Variants in FZR1 observed in about 807,000 individuals in gnomAD.
FZR1 encodes fizzy and cell division cycle 20 related 1, also known as fizzy-related protein homolog.
A neutral mutation model predicts 63.6 loss-of-function variants in FZR1; 11 were observed. The observed-to-expected ratio is 0.17, with a 90% CI of 0.11 to 0.29. The LOEUF is 0.29. Among genes scored for constraint, FZR1 ranks in the 10% least tolerant of loss-of-function variants. The pLI is 1.00. For synonymous variants in FZR1, 328 were observed against 297.9 expected (o/e 1.10, Z -1.04); for missense variants, 440 against 687.5 (o/e 0.64, Z 4.03).
chr19:3,523,459 C>T (rs919288599), intron 2 of FZR1, among the ~76,000 whole-genome samples: 2 of 152,232 alleles, frequency 1.3e-5, no homozygotes, highest in African/African-American at 4.8e-5. Context: ...CCAGCCCAGC[C>T]GTGTTTGCCT....
Position 3,533,257 on chromosome 19 carries a change from G to A in FZR1, c.1243-37G>A. On this transcript the variant is annotated intron_variant, in intron 11 of 13. Coordinates refer to ENST00000441788, the MANE Select transcript of FZR1 (RefSeq NM_016263.4). The surrounding 1 kb of genome is among the most constrained non-coding windows in gnomAD (Gnocchi z 4.9). Reference sequence around the variant, plus strand: ...AGCAGGCATAGCACCCGGCCTCGTTGCCCCTCACCGACCGCAGCGCCCCCT... The same window carrying A: ...AGCAGGCATAGCACCCGGCCTCGTTACCCCTCACCGACCGCAGCGCCCCCT... The A allele has an allele frequency of 7.7e-7, 1 of 1,292,090 alleles. No individual in the cohort carries two copies. The highest frequency in any genetic ancestry group is 1.1e-6 in the Non-Finnish European group (1 of 889,570). 80.0% of individuals were successfully genotyped at this position (1,292,090 alleles called of 1,614,324 possible).
chr19:3,512,510 C>T (rs2083031069), intron 1 of FZR1, among the ~76,000 whole-genome samples: 1 of 152,252 alleles, frequency 6.6e-6, no homozygotes, highest in African/African-American at 2.4e-5. Flanking sequence ...CGAAAGCCCA[C>T]ACTCTTTCTG....
intron 1 of FZR1, among the ~76,000 whole-genome samples, chr19:3,511,208 G>A (rs980142843): frequency 4.6e-5 from 7 of 152,208 alleles, no homozygotes; most frequent in African/African-American, 1.2e-4. Context: ...CAGGGCTGTG[G>A]GTACTCGGTG....
At chr19:3,534,676 A>G in intron 13 of FZR1, 119 bp from the exon 14 acceptor site, 2 of 991,178 alleles carry the variant, frequency 2.0e-6, no homozygotes, top group South Asian at 1.3e-5. Context: ...TGGCAGGCCG[A>G]GGCTGAACTG....
chr19:3,512,075 TGAGACTGATG>T (rs2083028536), intron 1 of FZR1, among the ~76,000 whole-genome samples: 1 of 152,102 alleles, frequency 6.6e-6, no homozygotes, highest in African/African-American at 2.4e-5. Context: ...CCCTCCTCTC[TGAGACTGATG>T]GGGGCAGCAT....
Position 3,527,829 on chromosome 19 carries a change from G to A in FZR1, c.654+15G>A, listed in dbSNP as rs1476492010. On this transcript the variant is annotated intron_variant, in intron 7 of 13. Transcript: ENST00000441788. ...GTACCAGCCAGGTGGGTGCTGCGTGGGGTGTGCATGTGCATGGGGGCCTCC... is the reference window on the plus strand; with the variant it reads ...GTACCAGCCAGGTGGGTGCTGCGTGAGGTGTGCATGTGCATGGGGGCCTCC... 4 of 1,597,014 alleles carry A rather than the reference G, an allele frequency of 2.5e-6. No homozygotes were observed. The African/African-American group carries it at 5.4e-5, about 21-fold the overall frequency.
rs1046019038 is a variant in FZR1, at chr19:3,514,043, C to G, written c.-35+7569C>G. ...GGAGCTTGGCTGAGCCTCCAGGAAC[C>G]AGAGTGCTGTGTTCCTGAGGAAGAT... is the stretch of plus-strand genomic sequence containing the variant. On this transcript the variant is annotated intron_variant, in intron 1 of 13. Coordinates refer to ENST00000441788, the MANE Select transcript of FZR1 (RefSeq NM_016263.4). The surrounding 1 kb of genome is among the most constrained non-coding windows in gnomAD (Gnocchi z 4.2). 1.3e-4 allele frequency among the ~76,000 whole-genome samples: 20 copies of G among 152,184 alleles called. No homozygotes were observed. The highest frequency in any genetic ancestry group is 1.5e-5 in the Non-Finnish European group (1 of 68,020).
At chr19:3,522,786 TG>T (rs1167450537) in intron 1 of FZR1, among the ~76,000 whole-genome samples, 169 bp from the exon 2 acceptor site, 5 of 151,924 alleles carry the variant, frequency 3.3e-5, no homozygotes, top group African/African-American at 2.4e-5. Context: ...AGGCCCAGGT[TG>T]GGGGAGCCTC....
chr19:3,519,345 C>T (rs915507155), intron 1 of FZR1, among the ~76,000 whole-genome samples: 5 of 152,222 alleles, frequency 3.3e-5, no homozygotes, highest in Non-Finnish European at 7.4e-5. Context: ...CGTGGTGAGT[C>T]GCCTGCTGGC....
In FZR1 at chr19:3,529,927, GATGGGAGAGCGC is replaced by G. The variant is rs1440097064; in HGVS notation, c.655-859_655-848del. Among the ~76,000 whole-genome samples, 2 of 114,236 alleles carry G rather than the reference GATGGGAGAGCGC, an allele frequency of 1.8e-5. 1 individual carries two copies. The highest frequency in any genetic ancestry group is 7.0e-4 in the South Asian group (2 of 2,846). 74.9% of individuals were successfully genotyped at this position (114,236 alleles called of 152,430 possible). ...GGTTGAGGGAGCGGATGGGTGAGCG[GATGGGAGAGCGC>G]ATGGGTGAGCAGATGCAAGAGTGGA... On this transcript the variant is annotated intron_variant, in intron 7 of 13. Transcript: ENST00000441788.
Position 3,533,352 on chromosome 19 carries a change from C to A in FZR1, c.1301C>A (p.Thr434Asn). The change falls in exon 12 of 14, where the codon ACC becomes AAC. Residue 434 changes from threonine (T) to asparagine (N), a missense_variant. This residue lies in a region of FZR1 where 208 missense variants were observed against 363.6 expected (regional missense o/e 0.57). Coordinates refer to ENST00000441788, the MANE Select transcript of FZR1 (RefSeq NM_016263.4). The surrounding 1 kb of genome is among the most constrained non-coding windows in gnomAD (Gnocchi z 4.9). ...QILVWKYPSL[T>N]QVAKLTGHSY... ...CTTGTCTGGAAGTACCCCTCCCTGACCCAGGTGGCCAAGCTGACCGGGCAC... is the reference window on the plus strand; with the variant it reads ...CTTGTCTGGAAGTACCCCTCCCTGAACCAGGTGGCCAAGCTGACCGGGCAC... 1 of 1,613,036 alleles carries A rather than the reference C, an allele frequency of 6.2e-7. No individual in the cohort carries two copies. The highest frequency in any genetic ancestry group is 8.5e-7 in the Non-Finnish European group (1 of 1,179,732).
chr19:3,519,947 C>CG (rs1047523917), intron 1 of FZR1, among the ~76,000 whole-genome samples: 1 of 151,462 alleles, frequency 6.6e-6, no homozygotes, highest in African/African-American at 2.4e-5. Flanking sequence ...AGATCAGTCC[C>CG]GGGGGGCCCC....
intron 1 of FZR1, 24 bp from the exon 2 acceptor site, chr19:3,522,932 C>T (rs2083116323): frequency 8.0e-7 from 1 of 1,248,198 alleles, no homozygotes; most frequent in Non-Finnish European, 1.2e-6. Context: ...GCCCCACTCA[C>T]CTCTCCTGCC....
At chr19:3,517,695 A>G (rs1378832489) in intron 1 of FZR1, among the ~76,000 whole-genome samples, 1 of 152,018 alleles carries the variant, frequency 6.6e-6, no homozygotes, top group Non-Finnish European at 1.5e-5. Flanking sequence ...TCTCAGAAAA[A>G]TAAATGAATA....
In FZR1 at chr19:3,515,275, G is replaced by A. The variant is rs1217870838; in HGVS notation, c.-34-7681G>A. ...TGAGCCTTTCCACACGGCCACACAC[G>A]TTGTCTGTGCTCAGGAATTACTTAA... On this transcript the variant is annotated intron_variant, in intron 1 of 13. Coordinates refer to ENST00000441788, the MANE Select transcript of FZR1 (RefSeq NM_016263.4). This position sits in a 1 kb window ranked among gnomAD's most constrained non-coding sequence, Gnocchi z 4.6. Among the ~76,000 whole-genome samples, 1 of 152,204 alleles carries A rather than the reference G, an allele frequency of 6.6e-6. No homozygotes were observed. Among genetic ancestry groups the A allele is most frequent in the African/African-American group, 2.4e-5 (1 of 41,438 alleles).
intron 2 of FZR1, among the ~76,000 whole-genome samples, chr19:3,523,955 C>T (rs1229227955): frequency 6.6e-6 from 1 of 152,208 alleles, no homozygotes. Context: ...GCGGTGCGGC[C>T]CCCACAGGGC....
In FZR1 at chr19:3,537,227, G is replaced by A. The variant is rs2030010358; in HGVS notation, c.*2391G>A. The A allele has an allele frequency of 6.6e-6, 1 of 152,350 alleles. No homozygotes were observed. The highest frequency in any genetic ancestry group is 1.5e-5 in the Non-Finnish European group (1 of 68,124). 9.4% of individuals were successfully genotyped at this position (152,350 alleles called of 1,614,324 possible). A position where few individuals can be genotyped will look rare whatever the true frequency, so the allele number is the denominator to read the frequency against. On this transcript the variant is annotated 3_prime_UTR_variant, in exon 14 of 14. Transcript: ENST00000441788. The stretch of plus-strand genomic sequence containing the variant: ...CCAGGACAGCTGAGAGGAGGTGGAG[G>A]GGCCCCAGGGGAGTGTACGTCAGGC...
In FZR1 at chr19:3,533,221, G is replaced by C. The variant is rs1401186863; in HGVS notation, c.1243-73G>C. On this transcript the variant is annotated intron_variant, in intron 11 of 13. Transcript: ENST00000441788. The surrounding 1 kb of genome is among the most constrained non-coding windows in gnomAD (Gnocchi z 4.9). ...AGCTCTCACATGGGCTCAGGCGGGT[G>C]CATGTGAGGCAGCAGGCATAGCACC... The C allele has an allele frequency of 1.1e-6, 1 of 899,556 alleles. No homozygotes were observed. Among genetic ancestry groups the C allele is most frequent in the East Asian group, 2.4e-5 (1 of 41,668 alleles). 55.7% of individuals were successfully genotyped at this position (899,556 alleles called of 1,614,324 possible). A position where few individuals can be genotyped will look rare whatever the true frequency, so the allele number is the denominator to read the frequency against.
chr19:3,518,369 G>A (rs993723373), intron 1 of FZR1, among the ~76,000 whole-genome samples: 1 of 152,180 alleles, frequency 6.6e-6, no homozygotes, highest in African/African-American at 2.4e-5. Context: ...TGGCAGCTAA[G>A]TTCTTTAACG....
Sources: gnomAD v4.1 joint callset for allele counts (sites outside exome capture counted in the v4.1 genomes callset) on GRCh38, gnomAD v4.1.1 for gene constraint, gnomAD v4.1.1 regional missense constraint, Gnocchi (gnomAD v3.1) non-coding constraint, MANE v1.5 for transcripts, NCBI Gene and HGNC (gene_info 2026-07-23, HGNC 2026-07-21) for gene names.